KLF15: variants seen among roughly 807,000 people sequenced by gnomAD.
KLF15 encodes KLF transcription factor 15.
In KLF15, 4 loss-of-function variants were observed where a neutral mutation model predicts 24.6. The observed-to-expected ratio is 0.16, with a 90% CI of 0.08 to 0.37. The LOEUF (loss-of-function observed/expected upper bound fraction) is 0.37, where lower values mean the gene tolerates loss of function less well. Ranked by LOEUF, KLF15 falls within the 10% of genes least tolerant of loss-of-function variation. The pLI is 1.00. For missense variants in KLF15, 496 were observed against 560.6 expected (o/e 0.88, Z 1.16); for synonymous variants, 246 against 236.3 (o/e 1.04, Z -0.37).
the KLF15 span, among the ~76,000 whole-genome samples, chr3:126,329,486 A>G: frequency 6.6e-6 from 1 of 152,164 alleles, no homozygotes; most frequent in Non-Finnish European, 1.5e-5. Flanking sequence ...ACCTGTCTCA[A>G]ATAGAATTAA....
Position 126,343,046 on chromosome 3 carries a change from G to C in KLF15, c.*681C>G, listed in dbSNP as rs2082491447. 1 of 150,246 alleles carries C rather than the reference G, an allele frequency of 6.7e-6. No individual in the cohort carries two copies. The highest frequency in any genetic ancestry group is 1.5e-5 in the Non-Finnish European group (1 of 67,600). 9.3% of individuals were successfully genotyped at this position (150,246 alleles called of 1,614,324 possible). A position where few individuals can be genotyped will look rare whatever the true frequency, so the allele number is the denominator to read the frequency against. On this transcript the variant is annotated 3_prime_UTR_variant, in exon 3 of 3. Coordinates refer to ENST00000296233, the MANE Select transcript of KLF15 (RefSeq NM_014079.4). ...CGAGCCCCTGGGTACAGGCCCTTCTGGCTCTGTCTGCCCTGCACATTTAAC... is the reference window on the plus strand; with the variant it reads ...CGAGCCCCTGGGTACAGGCCCTTCTCGCTCTGTCTGCCCTGCACATTTAAC...
downstream of KLF15, among the ~76,000 whole-genome samples, chr3:126,339,016 T>C (rs1041530095): frequency 3.9e-5 from 6 of 152,202 alleles, no homozygotes; most frequent in Non-Finnish European, 8.8e-5. Context: ...GGTGTGGATA[T>C]GTCCGTGCGC....
chr3:126,320,250 G>A, the KLF15 span, among the ~76,000 whole-genome samples: 35 of 152,268 alleles, frequency 2.3e-4, no homozygotes, highest in African/African-American at 8.2e-4. Flanking sequence ...CAGGAACAGG[G>A]CCTCAATTTT....
chr3:126,302,878 C>G, the KLF15 span, among the ~76,000 whole-genome samples: 3 of 152,068 alleles, frequency 2.0e-5, no homozygotes, highest in Admixed American at 6.6e-5. Flanking sequence ...TCTGGAGTGT[C>G]ATGACCATTT....
the KLF15 span, among the ~76,000 whole-genome samples, chr3:126,314,288 G>A: frequency 6.6e-6 from 1 of 152,144 alleles, no homozygotes; most frequent in Non-Finnish European, 1.5e-5. Flanking sequence ...GAGAGTCACA[G>A]CACATCACCA....
chr3:126,291,769 G>A, the KLF15 span, among the ~76,000 whole-genome samples: 4 of 152,252 alleles, frequency 2.6e-5, no homozygotes, highest in African/African-American at 9.6e-5. Context: ...TGTTAGGGAT[G>A]AACAGAGACC....
chr3:126,349,530 A>G (rs1318609487), intron 2 of KLF15, among the ~76,000 whole-genome samples: 1 of 152,036 alleles, frequency 6.6e-6, no homozygotes, highest in Non-Finnish European at 1.5e-5. Context: ...GGAACTCATT[A>G]CCTCCTGAGG....
chr3:126,309,029 T>C, the KLF15 span, among the ~76,000 whole-genome samples: 1 of 152,096 alleles, frequency 6.6e-6, no homozygotes, highest in African/African-American at 2.4e-5. Context: ...ACTCACATCC[T>C]CCTCAGATGT....
At chr3:126,334,226 C>T in the KLF15 span, among the ~76,000 whole-genome samples, 9 of 152,096 alleles carry the variant, frequency 5.9e-5, no homozygotes, top group East Asian at 7.8e-4. Context: ...AACTATCTCT[C>T]AGACCACAGT....
At chr3:126,323,679 T>G in the KLF15 span, among the ~76,000 whole-genome samples, 1 of 66,724 alleles carries the variant, frequency 1.5e-5, no homozygotes, top group Non-Finnish European at 2.5e-5. Flanking sequence ...CAACAGGCAC[T>G]GGTGTGTTGT....
chr3:126,346,061 G>GC (rs1240118103), intron 2 of KLF15, among the ~76,000 whole-genome samples: 2 of 152,200 alleles, frequency 1.3e-5, no homozygotes, highest in Non-Finnish European at 2.9e-5. Flanking sequence ...AGTCAGCAGA[G>GC]CCCCCCAGCC....
rs1489254007 is a variant in KLF15, at chr3:126,357,392, C to T, written c.-181G>A. On this transcript the variant is annotated 5_prime_UTR_variant, in exon 1 of 3. Coordinates refer to ENST00000296233, the MANE Select transcript of KLF15 (RefSeq NM_014079.4). ...CTCGATCGCCCGCCGGCCCGCGGGT[C>T]GCTGCGGCGGAGCACTAGCCCGCCC... 6.8e-6 allele frequency: 1 copy of T among 147,280 alleles called. No homozygotes were observed. The highest frequency in any genetic ancestry group is 2.4e-5 in the African/African-American group (1 of 41,014). 9.1% of individuals were successfully genotyped at this position (147,280 alleles called of 1,614,324 possible).
intron 1 of KLF15, among the ~76,000 whole-genome samples, chr3:126,354,589 G>C (rs143782585): frequency 0.01 from 1,562 of 152,288 alleles, 15 homozygotes; most frequent in African/African-American, 0.035. Flanking sequence ...ACTAAGGCAA[G>C]GTCTGTGCCC....
chr3:126,309,151 T>C, the KLF15 span, among the ~76,000 whole-genome samples: 1 of 152,166 alleles, frequency 6.6e-6, no homozygotes, highest in Non-Finnish European at 1.5e-5. Context: ...ATGAACTGCT[T>C]ACATAAGGAA....
At chr3:126,308,424 A>G in the KLF15 span, among the ~76,000 whole-genome samples, 1 of 147,904 alleles carries the variant, frequency 6.8e-6, no homozygotes, top group Non-Finnish European at 1.5e-5. Flanking sequence ...CCCAAAGGCT[A>G]CCCCAAGCCC....
the KLF15 span, among the ~76,000 whole-genome samples, chr3:126,297,119 TGTTA>T: frequency 6.6e-6 from 1 of 152,206 alleles, no homozygotes; most frequent in Non-Finnish European, 1.5e-5. Flanking sequence ...TTTAAAATTT[TGTTA>T]GTTAAACCTT....
chr3:126,323,156 T>A, the KLF15 span, among the ~76,000 whole-genome samples: 5 of 150,644 alleles, frequency 3.3e-5, no homozygotes, highest in East Asian at 5.8e-4. Flanking sequence ...GTGTAAAGAA[T>A]ACCCATACAC....
At chr3:126,338,307 C>T (rs537722871), downstream of KLF15, among the ~76,000 whole-genome samples, 25 of 152,306 alleles carry the variant, frequency 1.6e-4, no homozygotes, top group South Asian at 3.1e-3. Context: ...AGCAGTGCCA[C>T]GTCAGCATGA....
At chr3:126,293,144 T>TAAAAAAAA in the KLF15 span, among the ~76,000 whole-genome samples, 5 of 118,580 alleles carry the variant, frequency 4.2e-5, no homozygotes, top group Non-Finnish European at 8.5e-5. Flanking sequence ...ACTGCATCTC[T>TAAAAAAAA]AAAAAAAAAA....
Sources: gnomAD v4.1 joint callset for allele counts (sites outside exome capture counted in the v4.1 genomes callset) on GRCh38, gnomAD v4.1.1 for gene constraint, MANE v1.5 for transcripts, NCBI Gene and HGNC (gene_info 2026-07-23, HGNC 2026-07-21) for gene names.